The following HIPK2 variants were observed in gnomAD, a reference collection of about 807,000 sequenced individuals.
HIPK2 encodes homeodomain-interacting protein kinase 2.
In HIPK2, 27 loss-of-function variants were observed where a neutral mutation model predicts 113.7. The observed-to-expected ratio is 0.24, with a 90% CI of 0.17 to 0.33. The LOEUF (loss-of-function observed/expected upper bound fraction) is 0.33. Among genes scored for constraint, HIPK2 ranks in the 10% least tolerant of loss-of-function variants. HIPK2 has a pLI of 1.00. For synonymous variants in HIPK2, 631 were observed against 642.2 expected, an observed-to-expected ratio of 0.98 and a Z score of 0.26; for missense variants, 1,257 against 1,588.0, an observed-to-expected ratio of 0.79 and a Z score of 3.54.
At chr7:139,584,204 T>C (rs1325278916) in intron 12 of HIPK2, 140 bp from the exon 13 acceptor site, 10 of 1,159,768 alleles carry the variant, frequency 8.6e-6, no homozygotes, top group South Asian at 4.7e-5. Context: ...CTAACCCCCA[T>C]AGGGAGACTG....
intron 10 of HIPK2, among the ~76,000 whole-genome samples, chr7:139,602,392 C>T (rs989377315): frequency 2.0e-5 from 3 of 152,124 alleles, no homozygotes; most frequent in South Asian, 2.1e-4. Flanking sequence ...TTGGCTCACA[C>T]ATGAAATGGA....
At chr7:139,737,604 G>GCA (rs1795974382) in intron 1 of HIPK2, among the ~76,000 whole-genome samples, 1 of 152,184 alleles carries the variant, frequency 6.6e-6, no homozygotes. Context: ...CAAGGGCCCT[G>GCA]CACATCCGGC....
intron 2 of HIPK2, among the ~76,000 whole-genome samples, chr7:139,668,233 T>G (rs1229606503): frequency 2.6e-5 from 4 of 151,370 alleles, no homozygotes; most frequent in African/African-American, 9.8e-5. Flanking sequence ...GTTAACTAAG[T>G]AAGTATAATT....
chr7:139,602,200 G>T (rs914899148), intron 10 of HIPK2, among the ~76,000 whole-genome samples: 1 of 152,114 alleles, frequency 6.6e-6, no homozygotes, highest in African/African-American at 2.4e-5. Context: ...TGATCTGCCT[G>T]CCTTGGCTTC....
At chr7:139,655,316 CAAAT>C (rs1323441366) in intron 2 of HIPK2, among the ~76,000 whole-genome samples, 1 of 152,236 alleles carries the variant, frequency 6.6e-6, no homozygotes, top group African/African-American at 2.4e-5. Context: ...GATAAACAAA[CAAAT>C]GTCAGTCTTC....
intron 12 of HIPK2, among the ~76,000 whole-genome samples, chr7:139,590,151 T>C (rs569747108): frequency 5.3e-4 from 81 of 152,332 alleles, no homozygotes; most frequent in African/African-American, 1.9e-3. Flanking sequence ...GTCTAGTTAT[T>C]ATTGACAGCT....
chr7:139,777,428 C>T, intron 1 of HIPK2, 177 bp downstream of exon 1: 1 of 158,898 alleles, frequency 6.3e-6, no homozygotes, highest in Non-Finnish European at 1.3e-5. Flanking sequence ...CAAGACCCTG[C>T]CGGCGCCGGG....
chr7:139,665,031 TTCTC>T (rs201864754), intron 2 of HIPK2, among the ~76,000 whole-genome samples: 34 of 118,334 alleles, frequency 2.9e-4, no homozygotes, highest in South Asian at 6.6e-4. Flanking sequence ...CCCTTCTTCT[TTCTC>T]TCTCTTTTTT....
chr7:139,720,417 C>T (rs763018983), intron 1 of HIPK2, among the ~76,000 whole-genome samples: 15 of 152,202 alleles, frequency 9.9e-5, no homozygotes, highest in South Asian at 2.1e-4. Context: ...TCCTGAGCTC[C>T]GACCTCCATC....
In HIPK2 at chr7:139,572,764, G is replaced by GCCCCCCCCCCCC. The variant is rs71170903; in HGVS notation, c.*151_*162dup. ...GTCCCGACCCGTCCCCCTGCCCTCT[G>GCCCCCCCCCCCC]CCCCCCCCCCCCCCCCCGCCCCTGC... On this transcript the variant is annotated 3_prime_UTR_variant, in exon 15 of 15. Transcript: ENST00000406875. 12 of 29,616 alleles carry GCCCCCCCCCCCC rather than the reference G, an allele frequency of 4.1e-4. 3 individuals are homozygous for GCCCCCCCCCCCC. The highest frequency in any genetic ancestry group is 1.2e-3 in the Admixed American group (2 of 1,676). The allele number at this position is 29,616 out of a possible 1,614,324, so 1.8% of individuals were successfully genotyped here. A position where few individuals can be genotyped will look rare whatever the true frequency, so the allele number is the denominator to read the frequency against.
intron 2 of HIPK2, among the ~76,000 whole-genome samples, chr7:139,712,287 C>T (rs1280450220): frequency 6.6e-6 from 1 of 152,238 alleles, no homozygotes; most frequent in African/African-American, 2.4e-5. Context: ...CAGTTGGCTC[C>T]GGGGACACCA....
At chr7:139,740,359 G>T (rs1796064639) in intron 1 of HIPK2, among the ~76,000 whole-genome samples, 1 of 152,234 alleles carries the variant, frequency 6.6e-6, no homozygotes, top group Non-Finnish European at 1.5e-5. Context: ...CACCTGGCAT[G>T]GCAGACGAGG....
intron 1 of HIPK2, among the ~76,000 whole-genome samples, chr7:139,740,642 G>A (rs572348690): frequency 4.6e-5 from 7 of 152,200 alleles, no homozygotes; most frequent in African/African-American, 1.2e-4. Context: ...CAAAAGAGAC[G>A]GGTCCTTCGA....
intron 1 of HIPK2, among the ~76,000 whole-genome samples, chr7:139,723,048 T>C (rs1193017336): frequency 2.0e-5 from 3 of 152,008 alleles, no homozygotes; most frequent in Non-Finnish European, 4.4e-5. Context: ...TGTAATTCTA[T>C]GCACCTTTTG....
intron 2 of HIPK2, among the ~76,000 whole-genome samples, chr7:139,707,744 A>G (rs750503659): frequency 1.9e-4 from 29 of 152,352 alleles, no homozygotes; most frequent in Middle Eastern, 6.8e-3. Context: ...TACCTGTTGG[A>G]TGCATACATG....
In HIPK2 at chr7:139,613,172, T is replaced by C. The variant is rs1272563415; in HGVS notation, c.2112+30A>G. 1.9e-6 allele frequency: 3 copies of C among 1,612,404 alleles called. No individual in the cohort carries two copies. The highest frequency in any genetic ancestry group is 2.2e-5 in the East Asian group (1 of 44,830). ...ACAACATTAACACAGGTAATGGTAA[T>C]ACCAGTAATAATAAAGGAGAAAGAA... On this transcript the variant is annotated intron_variant, in intron 9 of 14. Coordinates refer to ENST00000406875, the MANE Select transcript of HIPK2 (RefSeq NM_022740.5). This position sits in a 1 kb window ranked among gnomAD's most constrained non-coding sequence, Gnocchi z 4.2.
chr7:139,703,722 T>C (rs1246819072), intron 2 of HIPK2, among the ~76,000 whole-genome samples: 1 of 145,156 alleles, frequency 6.9e-6, no homozygotes, highest in African/African-American at 2.6e-5. Context: ...ACCCACACTA[T>C]ATCCAACATA....
chr7:139,690,715 T>C (rs553705375), intron 2 of HIPK2, among the ~76,000 whole-genome samples: 119 of 152,234 alleles, frequency 7.8e-4, no homozygotes, highest in African/African-American at 2.8e-3. Flanking sequence ...GGCACTCCCC[T>C]GCCCCCGCCT....
At chr7:139,769,652 T>C (rs1245110166) in intron 1 of HIPK2, among the ~76,000 whole-genome samples, 3 of 152,242 alleles carry the variant, frequency 2.0e-5, no homozygotes, top group African/African-American at 2.4e-5. Flanking sequence ...TCTCTTTCTA[T>C]AGGAATACCT....
Sources: gnomAD v4.1 joint callset for allele counts (sites outside exome capture counted in the v4.1 genomes callset) on GRCh38, gnomAD v4.1.1 for gene constraint, Gnocchi (gnomAD v3.1) non-coding constraint, MANE v1.5 for transcripts, NCBI Gene and HGNC (gene_info 2026-07-23, HGNC 2026-07-21) for gene names.